The following SHANK2 variants were observed in gnomAD, a reference collection of about 807,000 sequenced individuals.
SHANK2 encodes SH3 and multiple ankyrin repeat domains protein 2.
In SHANK2, 43 loss-of-function variants were observed where a neutral mutation model predicts 133.7. That is an observed-to-expected ratio of 0.32 (90% CI 0.25 to 0.41). SHANK2 has a LOEUF of 0.41. SHANK2 is among the 10% of genes least tolerant of loss of function. SHANK2 has a pLI of 1.00. For missense variants in SHANK2, 1,994 were observed against 2,235.8 expected, an observed-to-expected ratio of 0.89 and a Z score of 2.18; for synonymous variants, 1,017 against 952.8, an observed-to-expected ratio of 1.07 and a Z score of -1.24.
At chr11:71,197,140 G>A (rs1401701494) in intron 2 of SHANK2, among the ~76,000 whole-genome samples, 1 of 152,082 alleles carries the variant, frequency 6.6e-6, no homozygotes, top group Non-Finnish European at 1.5e-5. Context: ...GAGACCATCT[G>A]TTGTCCTGGG....
Position 71,061,971 on chromosome 11 carries a change from C to CTTT in SHANK2, c.1030-5416_1030-5414dup, listed in dbSNP as rs1216736346. 5.7e-3 allele frequency among the ~76,000 whole-genome samples: 628 copies of CTTT among 109,540 alleles called. 7 individuals are homozygous for CTTT. Among genetic ancestry groups the CTTT allele is most frequent in the African/African-American group, 0.018 (535 of 29,320 alleles). The allele number at this position is 109,540 out of a possible 152,430, so 71.9% of individuals were successfully genotyped here. ...TTCCAACTCCAAAAAGTCTTTCTTT[C>CTTT]TTTTTTTTTTTTTTTTTTTTTTCTT... On this transcript the variant is annotated intron_variant, in intron 9 of 25. Coordinates refer to ENST00000601538, the MANE Select transcript of SHANK2 (RefSeq NM_012309.5).
rs149101502 is a variant in SHANK2, at chr11:70,486,891, G to A, written c.3402C>T (p.Asp1134=). The change falls in exon 25 of 26, where the codon GAC becomes GAT. Residue 1134 remains aspartate (D), a synonymous_variant. Coordinates refer to ENST00000601538, the MANE Select transcript of SHANK2 (RefSeq NM_012309.5). This position sits in a 1 kb window ranked among gnomAD's most constrained non-coding sequence, Gnocchi z 8.0. ...SMFPEEGDFA[D]EDSAEQLSSP... Reference sequence around the variant, plus strand: ...ATGACAGCTGCTCAGCGCTGTCCTCGTCAGCAAAATCCCCCTCCTCGGGGA... The same window carrying A: ...ATGACAGCTGCTCAGCGCTGTCCTCATCAGCAAAATCCCCCTCCTCGGGGA... 43 of 1,612,574 alleles carry A rather than the reference G, an allele frequency of 2.7e-5. No homozygotes were observed. Among genetic ancestry groups the A allele is most frequent in the Non-Finnish European group, 3.5e-5 (41 of 1,179,866 alleles).
chr11:70,769,085 C>T (rs1258421243), intron 14 of SHANK2, among the ~76,000 whole-genome samples: 8 of 152,174 alleles, frequency 5.3e-5, no homozygotes, highest in South Asian at 2.1e-4. Flanking sequence ...AGGCTTTATT[C>T]CCTGGAACGC....
chr11:70,671,948 T>C (rs1049823633), intron 15 of SHANK2, among the ~76,000 whole-genome samples: 2 of 152,162 alleles, frequency 1.3e-5, no homozygotes, highest in Non-Finnish European at 2.9e-5. Context: ...ATCTCTATTC[T>C]GAGCCCACTG....
intron 1 of SHANK2, among the ~76,000 whole-genome samples, chr11:71,225,170 G>A (rs1222659335): frequency 6.6e-6 from 1 of 152,134 alleles, no homozygotes; most frequent in African/African-American, 2.4e-5. Flanking sequence ...CTCTTTAGTC[G>A]AAAGACTAGG....
intron 17 of SHANK2, among the ~76,000 whole-genome samples, chr11:70,586,329 T>C (rs1323341732): frequency 6.6e-6 from 1 of 152,074 alleles, no homozygotes; most frequent in Non-Finnish European, 1.5e-5. Flanking sequence ...GGAAGAATCT[T>C]TAAAAGCTGG....
chr11:70,725,618 G>A (rs550692415), intron 14 of SHANK2, among the ~76,000 whole-genome samples: 1 of 152,294 alleles, frequency 6.6e-6, no homozygotes, highest in South Asian at 2.1e-4. Flanking sequence ...AATACCGCAC[G>A]ATCCCAAGAG....
chr11:70,930,906 A>G (rs1950495217), intron 10 of SHANK2, among the ~76,000 whole-genome samples: 2 of 151,620 alleles, frequency 1.3e-5, no homozygotes, highest in Non-Finnish European at 2.9e-5. Context: ...GGCTCATGCA[A>G]TCCTCCTGCC....
chr11:70,723,233 T>G (rs1043363915), intron 14 of SHANK2, among the ~76,000 whole-genome samples: 2 of 152,056 alleles, frequency 1.3e-5, no homozygotes, highest in Non-Finnish European at 2.9e-5. Flanking sequence ...ATACATGACT[T>G]CATGCACATG....
chr11:70,861,094 C>T (rs1555067713), intron 11 of SHANK2, among the ~76,000 whole-genome samples: 1 of 152,204 alleles, frequency 6.6e-6, no homozygotes, highest in Admixed American at 6.5e-5. Flanking sequence ...CAGGCACTGT[C>T]AGTCCAAGCT....
At chr11:70,571,517 C>T (rs1323268619) in intron 17 of SHANK2, among the ~76,000 whole-genome samples, 1 of 152,176 alleles carries the variant, frequency 6.6e-6, no homozygotes, top group Non-Finnish European at 1.5e-5. Flanking sequence ...AGATGCTACC[C>T]CCACCATGTG....
intron 2 of SHANK2, among the ~76,000 whole-genome samples, chr11:71,200,975 C>A (rs192463264): frequency 6.6e-6 from 1 of 152,146 alleles, no homozygotes; most frequent in East Asian, 1.9e-4. Context: ...TGGGCACCTG[C>A]AATGTGGCAG....
At chr11:70,650,234 C>T (rs1356826174) in intron 17 of SHANK2, among the ~76,000 whole-genome samples, 1 of 152,218 alleles carries the variant, frequency 6.6e-6, no homozygotes, top group Non-Finnish European at 1.5e-5. Context: ...GATGCTCAAC[C>T]ATGTTGGCTC....
At chr11:71,058,825 C>T (rs1288046068) in intron 9 of SHANK2, among the ~76,000 whole-genome samples, 4 of 152,264 alleles carry the variant, frequency 2.6e-5, no homozygotes, top group Admixed American at 1.3e-4. Flanking sequence ...GACCCCAGCC[C>T]GGGCCCCGGG....
intron 3 of SHANK2, among the ~76,000 whole-genome samples, chr11:71,119,319 C>T (rs1343789528): frequency 1.3e-5 from 2 of 152,186 alleles, no homozygotes; most frequent in East Asian, 1.9e-4. Flanking sequence ...CGGTGGCTCA[C>T]GCCTGTCATC....
intron 17 of SHANK2, among the ~76,000 whole-genome samples, chr11:70,639,141 C>T (rs574729328): frequency 6.6e-6 from 1 of 152,336 alleles, no homozygotes; most frequent in East Asian, 1.9e-4. Context: ...CAGGACTTGC[C>T]ACTCCCTGAT....
intron 9 of SHANK2, among the ~76,000 whole-genome samples, chr11:71,060,790 G>A (rs1428567045): frequency 1.3e-5 from 2 of 152,164 alleles, no homozygotes; most frequent in Admixed American, 1.3e-4. Context: ...AGCCCATGGT[G>A]TTTCAAAACA....
rs189800638 is a variant in SHANK2, at chr11:71,135,655, C to T, written c.207+11465G>A. 1.4e-3 allele frequency among the ~76,000 whole-genome samples: 207 copies of T among 152,128 alleles called. 1 individual carries two copies. Among genetic ancestry groups the T allele is most frequent in the African/African-American group, 4.6e-3 (191 of 41,502 alleles). On this transcript the variant is annotated intron_variant, in intron 3 of 25. Transcript: ENST00000601538. Reference sequence around the variant, plus strand: ...ATTTTCAGTAAAGATGGGGTTTCACCATGTTGGCCAGGCTGGTCTCGGACT... The same window carrying T: ...ATTTTCAGTAAAGATGGGGTTTCACTATGTTGGCCAGGCTGGTCTCGGACT...
intron 12 of SHANK2, among the ~76,000 whole-genome samples, chr11:70,817,425 G>C (rs995972883): frequency 6.6e-6 from 1 of 152,226 alleles, no homozygotes; most frequent in Non-Finnish European, 1.5e-5. Context: ...AGGGACTGAC[G>C]GGTCAGGGCC....
Sources: gnomAD v4.1 joint callset for allele counts (sites outside exome capture counted in the v4.1 genomes callset) on GRCh38, gnomAD v4.1.1 for gene constraint, Gnocchi (gnomAD v3.1) non-coding constraint, MANE v1.5 for transcripts, NCBI Gene and HGNC (gene_info 2026-07-23, HGNC 2026-07-21) for gene names.